EEFSEC: variants seen among roughly 807,000 people sequenced by gnomAD.
The protein encoded by EEFSEC is eukaryotic elongation factor, selenocysteine-tRNA specific, also known as selenocysteine-specific elongation factor.
Under a neutral mutation model 42.1 loss-of-function variants are expected in EEFSEC, and 43 were observed. The observed-to-expected ratio is 1.02, with a 90% CI of 0.80 to 1.32. The LOEUF is 1.32. Ranked by LOEUF, EEFSEC falls within the 40% of genes most tolerant of loss-of-function variation. The pLI is 0.00. For synonymous variants in EEFSEC, 354 were observed against 339.1 expected (o/e 1.04, Z -0.48); for missense variants, 745 against 803.6 (o/e 0.93, Z 0.88).
chr3:128,250,911 G>GTTTTTTTTTTTTTTTTTTTTTTTGTTTTT (rs35594175), intron 2 of EEFSEC, among the ~76,000 whole-genome samples: 1 of 108,596 alleles, frequency 9.2e-6, no homozygotes, highest in African/African-American at 3.5e-5. Context: ...GTTTTTTTTG[G>GTTTTTTTTTTTTTTTTTTTTTTTGTTTTT]TTTTTTTTTT....
chr3:128,252,110 T>C (rs1375575551), intron 2 of EEFSEC, among the ~76,000 whole-genome samples: 9 of 152,212 alleles, frequency 5.9e-5, no homozygotes. Context: ...CAGACTCCCT[T>C]TGTGTTTCTT....
At chr3:128,366,084 C>T (rs376703720) in intron 6 of EEFSEC, among the ~76,000 whole-genome samples, 21 of 152,352 alleles carry the variant, frequency 1.4e-4, no homozygotes, top group African/African-American at 5.0e-4. Flanking sequence ...CCCAGAAGCT[C>T]TATTTGCTAG....
At chr3:128,334,330 A>G (rs2067166690) in intron 4 of EEFSEC, among the ~76,000 whole-genome samples, 1 of 152,210 alleles carries the variant, frequency 6.6e-6, no homozygotes, top group Admixed American at 6.5e-5. Flanking sequence ...TTTTGGGCTC[A>G]GGCTGTGTGG....
chr3:128,242,291 C>T (rs1301620435), intron 1 of EEFSEC, among the ~76,000 whole-genome samples: 1 of 152,044 alleles, frequency 6.6e-6, no homozygotes, highest in Admixed American at 6.6e-5. Context: ...TGCACTCCAG[C>T]CTGGGCAACA....
At chr3:128,268,674 A>G (rs952185082) in intron 4 of EEFSEC, among the ~76,000 whole-genome samples, 1 of 151,982 alleles carries the variant, frequency 6.6e-6, no homozygotes, top group Non-Finnish European at 1.5e-5. Context: ...TCACAGAGAG[A>G]AGTCCATATA....
intron 1 of EEFSEC, among the ~76,000 whole-genome samples, chr3:128,154,444 T>C (rs1195804910): frequency 6.6e-6 from 1 of 152,008 alleles, no homozygotes; most frequent in Non-Finnish European, 1.5e-5. Flanking sequence ...AACATTTTCT[T>C]TTTCTTTTTT....
At chr3:128,389,266 G>T (rs1366956045) in intron 6 of EEFSEC, among the ~76,000 whole-genome samples, 1 of 152,252 alleles carries the variant, frequency 6.6e-6, no homozygotes, top group African/African-American at 2.4e-5. Flanking sequence ...AGGAAGACAA[G>T]CCAGGCCGCC....
intron 6 of EEFSEC, among the ~76,000 whole-genome samples, chr3:128,397,915 G>GCAGTCCAGTTCTCCCACCTCTGCCAT (rs1364893324): frequency 9.2e-5 from 14 of 152,242 alleles, no homozygotes; most frequent in Non-Finnish European, 1.9e-4. Context: ...GAAAGTCTGT[G>GCAGTCCAGTTCTCCCACCTCTGCCAT]CAGTCCAGTT....
At chr3:128,368,001 A>G (rs2067610482) in intron 6 of EEFSEC, among the ~76,000 whole-genome samples, 1 of 152,234 alleles carries the variant, frequency 6.6e-6, no homozygotes, top group African/African-American at 2.4e-5. Flanking sequence ...ACATGGCCTG[A>G]TGCCCTTGGG....
intron 6 of EEFSEC, among the ~76,000 whole-genome samples, chr3:128,399,493 T>C (rs1018412704): frequency 6.6e-6 from 1 of 152,172 alleles, no homozygotes; most frequent in Non-Finnish European, 1.5e-5. Flanking sequence ...ACAGGTCTGA[T>C]AAAAACTTAA....
At chr3:128,388,161 T>C (rs1373871621) in intron 6 of EEFSEC, among the ~76,000 whole-genome samples, 1 of 152,228 alleles carries the variant, frequency 6.6e-6, no homozygotes, top group African/African-American at 2.4e-5. Flanking sequence ...CCTCTTTCCA[T>C]TGCTCCCGCT....
chr3:128,291,701 G>T (rs1036592369), intron 4 of EEFSEC, among the ~76,000 whole-genome samples: 14 of 152,022 alleles, frequency 9.2e-5, no homozygotes, highest in African/African-American at 3.4e-4. Context: ...TAGTTATTTT[G>T]TGAATTTCTG....
At chr3:128,403,172 G>T (rs2068068047) in intron 6 of EEFSEC, among the ~76,000 whole-genome samples, 1 of 152,214 alleles carries the variant, frequency 6.6e-6, no homozygotes. Flanking sequence ...TCCACAGGCG[G>T]AGGGATTGGC....
At chr3:128,304,529 T>C (rs2066805764) in intron 4 of EEFSEC, among the ~76,000 whole-genome samples, 1 of 152,142 alleles carries the variant, frequency 6.6e-6, no homozygotes, top group Non-Finnish European at 1.5e-5. Context: ...TTATTGTCTT[T>C]TCCGTTGATT....
At chr3:128,324,548 C>T (rs1357564961) in intron 4 of EEFSEC, among the ~76,000 whole-genome samples, 2 of 152,148 alleles carry the variant, frequency 1.3e-5, no homozygotes, top group Non-Finnish European at 2.9e-5. Context: ...AGCGCTTTCC[C>T]TGAGAGATCC....
At chr3:128,242,993 G>A (rs2066087786) in intron 1 of EEFSEC, among the ~76,000 whole-genome samples, 1 of 152,186 alleles carries the variant, frequency 6.6e-6, no homozygotes, top group Non-Finnish European at 1.5e-5. Context: ...TTTGAAAAAG[G>A]CAAGACGGGC....
chr3:128,218,779 A>G (rs1406478688), intron 1 of EEFSEC, among the ~76,000 whole-genome samples: 11 of 152,204 alleles, frequency 7.2e-5, no homozygotes, highest in Non-Finnish European at 1.5e-4. Flanking sequence ...AACCATTTGC[A>G]ACTCTTAGCT....
chr3:128,207,898 T>C (rs2065715611), intron 1 of EEFSEC, among the ~76,000 whole-genome samples: 1 of 152,220 alleles, frequency 6.6e-6, no homozygotes, highest in Admixed American at 6.5e-5. Flanking sequence ...CTGGTCTGAC[T>C]TCAGGGCTTA....
chr3:128,233,921 G>C (rs544599306), intron 1 of EEFSEC, among the ~76,000 whole-genome samples: 5 of 152,250 alleles, frequency 3.3e-5, no homozygotes, highest in African/African-American at 1.2e-4. Context: ...TCCTTCCTGG[G>C]CTATTAAGAT....
Sources: gnomAD v4.1 joint callset for allele counts (sites outside exome capture counted in the v4.1 genomes callset) on GRCh38, gnomAD v4.1.1 for gene constraint, MANE v1.5 for transcripts, NCBI Gene and HGNC (gene_info 2026-07-23, HGNC 2026-07-21) for gene names.